The following CELF2 variants were observed in gnomAD, a reference collection of about 807,000 sequenced individuals.
The protein encoded by CELF2 is CUGBP Elav-like family member 2.
A neutral mutation model predicts 62.6 loss-of-function variants in CELF2; 8 were observed. The ratio of observed to expected loss-of-function variants is 0.13; its 90% confidence interval spans 0.07 to 0.23. The LOEUF (loss-of-function observed/expected upper bound fraction) is 0.23. CELF2 is among the 10% of genes least tolerant of loss of function. The pLI is 1.00. For missense variants in CELF2, 333 were observed against 671.0 expected (o/e 0.50, Z 5.56); for synonymous variants, 258 against 250.0 (o/e 1.03, Z -0.30).
intron 3 of CELF2, among the ~76,000 whole-genome samples, chr10:11,219,144 G>A (rs991029011): frequency 5.3e-5 from 8 of 152,182 alleles, no homozygotes; most frequent in African/African-American, 1.9e-4. Flanking sequence ...CATATTTTAA[G>A]TGAATGCAGA....
chr10:11,121,233 C>T (rs1276708836), intron 1 of CELF2, among the ~76,000 whole-genome samples: 1 of 152,058 alleles, frequency 6.6e-6, no homozygotes. Flanking sequence ...ATGGTTGATA[C>T]AAAATTTTAA....
chr10:11,131,562 C>T (rs1324763928), intron 1 of CELF2, among the ~76,000 whole-genome samples: 1 of 152,208 alleles, frequency 6.6e-6, no homozygotes, highest in African/African-American at 2.4e-5. Context: ...CACTAAGAAT[C>T]TTTCACATCT....
Position 11,260,315 on chromosome 10 carries a change from C to G in CELF2, c.538+2443C>G, listed in dbSNP as rs34888029. ...CTCCCCGTCTGCTGGCCTGGCTGAT[C>G]TAGGCAGTGACTCTCTGGCACATTT... On this transcript the variant is annotated intron_variant, in intron 5 of 12. Transcript: ENST00000633077. The surrounding 1 kb of genome is among the most constrained non-coding windows in gnomAD (Gnocchi z 4.2). Among the ~76,000 whole-genome samples, 1 of 152,206 alleles carries G rather than the reference C, an allele frequency of 6.6e-6. No homozygotes were observed. The highest frequency in any genetic ancestry group is 1.5e-5 in the Non-Finnish European group (1 of 68,036).
In CELF2 at chr10:11,280,054, C is replaced by T. The variant is rs140854525; in HGVS notation, c.841+4934C>T. Among the ~76,000 whole-genome samples the T allele has an allele frequency of 2.0e-5, 3 of 152,306 alleles. No homozygotes were observed. Among genetic ancestry groups the T allele is most frequent in the South Asian group, 2.1e-4 (1 of 4,820 alleles). On this transcript the variant is annotated intron_variant, in intron 8 of 12. Transcript: ENST00000633077. The surrounding 1 kb of genome is among the most constrained non-coding windows in gnomAD (Gnocchi z 7.6). ...TTGCCAAGCACGCGCCCTTGCCTCT[C>T]GGTCTGGTGCCCTTTCAGGATGAGC...
chr10:10,538,469 T>C, the CELF2 span, among the ~76,000 whole-genome samples: 2 of 152,218 alleles, frequency 1.3e-5, no homozygotes, highest in South Asian at 4.1e-4. Context: ...CTATGCTTGA[T>C]CTCAAGTGTC....
intron 2 of CELF2, among the ~76,000 whole-genome samples, chr10:10,953,728 G>A (rs541340862): frequency 5.3e-5 from 8 of 151,734 alleles, no homozygotes; most frequent in South Asian, 2.1e-4. Flanking sequence ...CCCAAAAGCC[G>A]TAAGAGAAAA....
chr10:10,494,827 T>C, the CELF2 span, among the ~76,000 whole-genome samples: 1 of 152,138 alleles, frequency 6.6e-6, no homozygotes, highest in African/African-American at 2.4e-5. Flanking sequence ...TTAATATGAA[T>C]CTACATACAA....
At chr10:10,498,898 G>A in the CELF2 span, among the ~76,000 whole-genome samples, 1 of 152,092 alleles carries the variant, frequency 6.6e-6, no homozygotes, top group Non-Finnish European at 1.5e-5. Flanking sequence ...GGAGACAGGA[G>A]AAAGGGGAGG....
chr10:11,026,699 A>G (rs2059264249), intron 1 of CELF2, among the ~76,000 whole-genome samples: 1 of 151,972 alleles, frequency 6.6e-6, no homozygotes. Context: ...GTTTTAAAAA[A>G]TCTCCTTTAA....
At chr10:10,608,145 CA>C in the CELF2 span, among the ~76,000 whole-genome samples, 21,271 of 151,968 alleles carry the variant, frequency 0.14, 1,788 homozygotes, top group Non-Finnish European at 0.2. Flanking sequence ...AACAAACAAA[CA>C]AACAAACAAA....
chr10:11,153,815 G>A (rs536060914), intron 1 of CELF2, among the ~76,000 whole-genome samples: 1 of 152,288 alleles, frequency 6.6e-6, no homozygotes, highest in Admixed American at 6.5e-5. Context: ...TTCTTTTTGG[G>A]TAGGGGGAGC....
chr10:10,839,204 G>A (rs965087412), intron 1 of CELF2, among the ~76,000 whole-genome samples: 9 of 152,082 alleles, frequency 5.9e-5, no homozygotes, highest in Non-Finnish European at 7.4e-5. Flanking sequence ...CACTGCTACC[G>A]GGTTGTCATT....
At chr10:10,680,986 T>C in the CELF2 span, among the ~76,000 whole-genome samples, 4 of 152,242 alleles carry the variant, frequency 2.6e-5, no homozygotes, top group Non-Finnish European at 5.9e-5. Flanking sequence ...AAATTCCTCA[T>C]GTAAATAATA....
chr10:10,909,857 G>GACA (rs377573569), intron 1 of CELF2, among the ~76,000 whole-genome samples: 13,502 of 152,240 alleles, frequency 0.089, 1,287 homozygotes, highest in African/African-American at 0.24. Context: ...TCATGAAAGA[G>GACA]GGGGCTCATG....
chr10:11,291,302 A>G lies in CELF2; in HGVS notation c.976+2750A>G, dbSNP rs562964234. Among the ~76,000 whole-genome samples the G allele has an allele frequency of 3.3e-5, 5 of 152,264 alleles. No individual in the cohort carries two copies. In the South Asian group the frequency reaches 1.0e-3, roughly 32 times the overall value. On this transcript the variant is annotated intron_variant, in intron 9 of 12. Transcript: ENST00000633077. ...TAATAATTGTAAATTTATCATTTCAATTTTGCATACCCAGGAAAAGTCTCC... is the reference window on the plus strand; with the variant it reads ...TAATAATTGTAAATTTATCATTTCAGTTTTGCATACCCAGGAAAAGTCTCC...
At chr10:10,836,870 C>T (rs910597290) in intron 1 of CELF2, among the ~76,000 whole-genome samples, 2 of 152,170 alleles carry the variant, frequency 1.3e-5, no homozygotes, top group Admixed American at 6.5e-5. Flanking sequence ...CTCCTGACCT[C>T]GTGATCTGCC....
chr10:10,816,429 C>A (rs2056468143), intron 1 of CELF2, among the ~76,000 whole-genome samples: 1 of 152,156 alleles, frequency 6.6e-6, no homozygotes, highest in Non-Finnish European at 1.5e-5. Flanking sequence ...TTACAGCAAT[C>A]AAGATGTTTC....
chr10:10,882,618 T>C (rs12269166), intron 1 of CELF2, among the ~76,000 whole-genome samples: 1,839 of 152,324 alleles, frequency 0.012, 46 homozygotes, highest in African/African-American at 0.042. Flanking sequence ...AAAAAGCAAT[T>C]CCTTCATTGA....
chr10:10,701,889 C>A, the CELF2 span, among the ~76,000 whole-genome samples: 1 of 152,234 alleles, frequency 6.6e-6, no homozygotes, highest in South Asian at 2.1e-4. Flanking sequence ...CCAAGAAATA[C>A]TGTACAAATG....
Sources: gnomAD v4.1 joint callset for allele counts (sites outside exome capture counted in the v4.1 genomes callset) on GRCh38, gnomAD v4.1.1 for gene constraint, Gnocchi (gnomAD v3.1) non-coding constraint, MANE v1.5 for transcripts, NCBI Gene and HGNC (gene_info 2026-07-23, HGNC 2026-07-21) for gene names.